The following C8A variants were observed in gnomAD, a reference collection of about 807,000 sequenced individuals.
C8A encodes complement component C8 alpha chain.
In C8A, 67 loss-of-function variants were observed where a neutral mutation model predicts 65.3. The observed-to-expected ratio is 1.03, with a 90% CI of 0.84 to 1.26. The LOEUF (loss-of-function observed/expected upper bound fraction) is 1.26, where lower values mean the gene tolerates loss of function less well. C8A is among the 50% of genes most tolerant of loss of function. C8A has a pLI of 0.00. For synonymous variants in C8A, 290 were observed against 259.4 expected (o/e 1.12, Z -1.13); for missense variants, 781 against 723.9 (o/e 1.08, Z -0.90).
chr1:56,888,081 C>T (rs7516281), intron 7 of C8A, among the ~76,000 whole-genome samples: 74 of 152,090 alleles, frequency 4.9e-4, no homozygotes, highest in South Asian at 2.1e-4. Flanking sequence ...GGTATACCTA[C>T]GTAACAAACC....
intron 10 of C8A, among the ~76,000 whole-genome samples, chr1:56,917,361 C>T (rs1161706590): frequency 6.6e-6 from 1 of 152,184 alleles, no homozygotes; most frequent in East Asian, 1.9e-4. Context: ...GTGAAACTGC[C>T]CTTGCTACAT....
At chr1:56,903,500 A>T (rs608567) in intron 7 of C8A, among the ~76,000 whole-genome samples, 1 of 152,144 alleles carries the variant, frequency 6.6e-6, no homozygotes, top group Non-Finnish European at 1.5e-5. Flanking sequence ...TATTAGCAGC[A>T]TGAGAATGGA....
At chr1:56,907,194 G>T (rs567626265) in intron 8 of C8A, among the ~76,000 whole-genome samples, 2 of 152,182 alleles carry the variant, frequency 1.3e-5, no homozygotes, top group African/African-American at 4.8e-5. Context: ...GAGAGGGATT[G>T]TACAGGAATA....
chr1:56,864,961 T>C (rs1228676708), intron 1 of C8A, among the ~76,000 whole-genome samples: 4 of 152,110 alleles, frequency 2.6e-5, no homozygotes, highest in Non-Finnish European at 5.9e-5. Flanking sequence ...AGGGCCTTGG[T>C]CAAAATCAAG....
chr1:56,858,866 A>G (rs891545122), intron 1 of C8A, among the ~76,000 whole-genome samples: 3 of 152,214 alleles, frequency 2.0e-5, no homozygotes, highest in African/African-American at 7.2e-5. Context: ...TGGCATCACC[A>G]CGTAGTGGCT....
At chr1:56,877,965 T>C (rs958207507) in intron 4 of C8A, among the ~76,000 whole-genome samples, 7 of 152,172 alleles carry the variant, frequency 4.6e-5, no homozygotes, top group Non-Finnish European at 2.9e-5. Flanking sequence ...TTGCTGGGAT[T>C]GCCATAACAA....
intron 4 of C8A, among the ~76,000 whole-genome samples, chr1:56,880,641 A>G (rs780972131): frequency 2.6e-5 from 4 of 152,134 alleles, no homozygotes; most frequent in East Asian, 1.9e-4. Context: ...CCTTAGCACT[A>G]TGAATTGCAT....
At position 56,861,792 on chromosome 1, in the gene C8A, T is replaced by C. The variant is rs77187136; in HGVS notation, c.78-5817T>C. Among the ~76,000 whole-genome samples, 1,205 of 152,340 alleles carry C rather than the reference T, an allele frequency of 7.9e-3. 7 individuals carry two copies. Among genetic ancestry groups the C allele is most frequent in the Middle Eastern group, 0.024 (7 of 294 alleles). On this transcript the variant is annotated intron_variant, in intron 1 of 10. Transcript: ENST00000361249. Reference sequence around the variant, plus strand: ...ACTGGATGGGACTGGCTTAAGATTATATAATTAGTGATAATCAGATTTTAA... The same window carrying C: ...ACTGGATGGGACTGGCTTAAGATTACATAATTAGTGATAATCAGATTTTAA...
intron 10 of C8A, among the ~76,000 whole-genome samples, chr1:56,916,253 T>C (rs930063147): frequency 3.3e-5 from 5 of 152,208 alleles, no homozygotes; most frequent in Non-Finnish European, 7.3e-5. Context: ...GTGCAGTTAG[T>C]TCATTGCAGG....
chr1:56,908,105 G>C lies in C8A; in HGVS notation c.1372G>C (p.Asp458His). 2 of 1,614,048 alleles carry C rather than the reference G, an allele frequency of 1.2e-6. No individual in the cohort carries two copies. Among genetic ancestry groups the C allele is most frequent in the Non-Finnish European group, 1.7e-6 (2 of 1,179,970 alleles). ...RSLKYNPVVI[D>H]FEMQPIHEVL... ...ATTAAAGTATAATCCTGTTGTTATCGATTTTGAGGTAAGTCTTTTCGCAGT... is the reference window on the plus strand; with the variant it reads ...ATTAAAGTATAATCCTGTTGTTATCCATTTTGAGGTAAGTCTTTTCGCAGT... Residue 458 changes from aspartate (D) to histidine (H), a missense_variant, in exon 9 of 11, where the codon GAT becomes CAT. By Grantham distance (81) the Asp-to-His change is moderately conservative (BLOSUM62 -1). Transcript: ENST00000361249.
chr1:56,910,953 T>G (rs1212179582), intron 9 of C8A, among the ~76,000 whole-genome samples: 1 of 152,038 alleles, frequency 6.6e-6, no homozygotes, highest in African/African-American at 2.4e-5. Context: ...CAGGTTCCTC[T>G]CCTTAAAATG....
At chr1:56,916,853 T>C (rs1163521763) in intron 10 of C8A, among the ~76,000 whole-genome samples, 1 of 152,200 alleles carries the variant, frequency 6.6e-6, no homozygotes, top group African/African-American at 2.4e-5. Context: ...CCATGGTCAG[T>C]GCATGTGTTC....
chr1:56,857,538 T>G (rs1468755084), intron 1 of C8A, among the ~76,000 whole-genome samples: 1 of 152,076 alleles, frequency 6.6e-6, no homozygotes, highest in Non-Finnish European at 1.5e-5. Context: ...AAAAATATAA[T>G]TCATGTGAAC....
intron 7 of C8A, among the ~76,000 whole-genome samples, chr1:56,894,952 G>GT (rs1644376948): frequency 6.6e-6 from 1 of 152,000 alleles, no homozygotes; most frequent in Non-Finnish European, 1.5e-5. Context: ...TTAATACAAT[G>GT]TTTTTGCGTA....
chr1:56,883,046 C>A (rs1237164815), intron 5 of C8A, among the ~76,000 whole-genome samples: 3 of 151,876 alleles, frequency 2.0e-5, no homozygotes, highest in Admixed American at 2.0e-4. Flanking sequence ...CTGCCTAAGA[C>A]AATCCAAATC....
chr1:56,867,826 G>T, intron 2 of C8A, 124 bp downstream of exon 2: 5 of 755,066 alleles, frequency 6.6e-6, no homozygotes, highest in South Asian at 4.4e-5. Context: ...AGAAATTGTT[G>T]TTTGAAATCC....
chr1:56,883,628 T>A lies in C8A; in HGVS notation c.802T>A (p.Ser268Thr), dbSNP rs749720272. 1.9e-6 allele frequency: 3 copies of A among 1,613,916 alleles called. No individual in the cohort carries two copies. Among genetic ancestry groups the A allele is most frequent in the Non-Finnish European group, 2.5e-6 (3 of 1,179,920 alleles). Reference protein sequence around the residue: ...GSPLLVGVGVSHSQDTSFLNE... With the variant: ...GSPLLVGVGVTHSQDTSFLNE... ...CCCTTTATTGGTGGGTGTAGGTGTA[T>A]CCCACTCACAAGACACTTCATTCTT... Residue 268 changes from serine (S) to threonine (T), a missense_variant, in exon 6 of 11, where the codon TCC (serine) becomes ACC (threonine). Coordinates refer to ENST00000361249, the MANE Select transcript of C8A (RefSeq NM_000562.3).
intron 7 of C8A, among the ~76,000 whole-genome samples, chr1:56,888,175 G>A (rs115657851): frequency 0.027 from 4,121 of 152,160 alleles, 80 homozygotes; most frequent in Non-Finnish European, 0.039. Flanking sequence ...TATCCAGATA[G>A]CAAGATATTT....
At chr1:56,863,521 T>C (rs1644054400) in intron 1 of C8A, among the ~76,000 whole-genome samples, 1 of 152,234 alleles carries the variant, frequency 6.6e-6, no homozygotes, top group South Asian at 2.1e-4. Context: ...GCAGTCTCTA[T>C]GGGCTTACAA....
Sources: gnomAD v4.1 joint callset for allele counts (sites outside exome capture counted in the v4.1 genomes callset) on GRCh38, gnomAD v4.1.1 for gene constraint, MANE v1.5 for transcripts, NCBI Gene and HGNC (gene_info 2026-07-23, HGNC 2026-07-21) for gene names.